The following LTA4H variants were observed in gnomAD, a reference collection of about 807,000 sequenced individuals.
LTA4H encodes the protein leukotriene A4 hydrolase.
A neutral mutation model predicts 89.8 loss-of-function variants in LTA4H; 59 were observed. The observed-to-expected ratio is 0.66, with a 90% CI of 0.53 to 0.82. The LOEUF (loss-of-function observed/expected upper bound fraction) is 0.82, where lower values mean the gene tolerates loss of function less well. LTA4H is among the 40% of genes least tolerant of loss of function. LTA4H has a pLI of 0.00. For synonymous variants in LTA4H, 227 were observed against 253.1 expected (o/e 0.90, Z 0.98); for missense variants, 617 against 727.0 (o/e 0.85, Z 1.74).
intron 2 of LTA4H, among the ~76,000 whole-genome samples, chr12:96,028,469 T>C (rs957595883): frequency 6.6e-6 from 1 of 152,194 alleles, no homozygotes; most frequent in African/African-American, 2.4e-5. Flanking sequence ...CTCTTTCCCC[T>C]CAAGAGGTGG....
At position 96,041,952 on chromosome 12, in the gene LTA4H, G is replaced by C. The variant is rs190770501; in HGVS notation, c.87+1337C>G. 1.0e-3 allele frequency among the ~76,000 whole-genome samples: 147 copies of C among 147,250 alleles called. 1 individual carries two copies. Among genetic ancestry groups the C allele is most frequent in the South Asian group, 6.6e-3 (30 of 4,562 alleles). On this transcript the variant is annotated intron_variant, in intron 1 of 17. Transcript: ENST00000413268. ...CACCGCGCCTGGCCATAAACCCCTA[G>C]TTTTAAATTAAACGTTTCTTTTTGT...
In LTA4H at chr12:96,022,041, C is replaced by T; in HGVS notation, c.585+106G>A. 1.5e-6 allele frequency: 1 copy of T among 688,264 alleles called. No homozygotes were observed. Among genetic ancestry groups the T allele is most frequent in the Admixed American group, 2.9e-5 (1 of 34,274 alleles). The allele number at this position is 688,264 out of a possible 1,614,324, so 42.6% of individuals were successfully genotyped here. On this transcript the variant is annotated intron_variant, in intron 5 of 18. Coordinates refer to ENST00000228740, the MANE Select transcript of LTA4H (RefSeq NM_000895.3). The surrounding 1 kb of genome is among the most constrained non-coding windows in gnomAD (Gnocchi z 4.0). ...AAGAAAACAAAAACCAAAAGCTGTT[C>T]TCAAAATTCTGAAATATTTCAAAAG...
intron 1 of LTA4H, among the ~76,000 whole-genome samples, chr12:96,040,725 G>A (rs1039958847): frequency 6.6e-6 from 1 of 152,146 alleles, no homozygotes; most frequent in Non-Finnish European, 1.5e-5. Context: ...AACCCCATGT[G>A]AACTGCTCTG....
chr12:96,036,006 T>C (rs752526521), upstream of LTA4H, among the ~76,000 whole-genome samples: 15 of 152,288 alleles, frequency 9.8e-5, no homozygotes, highest in Admixed American at 2.6e-4. Flanking sequence ...ATCAGAAGGC[T>C]TTCTTTCGTG....
In LTA4H at chr12:96,000,954, A is replaced by T. The variant is rs1565998568; in HGVS notation, c.*35T>A. On this transcript the variant is annotated 3_prime_UTR_variant, in exon 19 of 19. Coordinates refer to ENST00000228740, the MANE Select transcript of LTA4H (RefSeq NM_000895.3). ...ATTTCTTTACGAATTCCATTTAAAA[A>T]AGAGAAATCTCTAAAATCATCAATA... 1 of 1,357,548 alleles carries T rather than the reference A, an allele frequency of 7.4e-7. No individual in the cohort carries two copies. The allele number at this position is 1,357,548 out of a possible 1,614,324, so 84.1% of individuals were successfully genotyped here.
In LTA4H at chr12:96,006,197, T is replaced by C. The variant is rs1950196660; in HGVS notation, c.1530+117A>G. 7.1e-6 allele frequency: 4 copies of C among 559,450 alleles called. 1 individual carries two copies. Among genetic ancestry groups the C allele is most frequent in the South Asian group, 5.6e-5 (2 of 35,672 alleles). 34.7% of individuals were successfully genotyped at this position (559,450 alleles called of 1,614,324 possible). ...TTTTTAAAGAAATGAATAAATTTTA[T>C]AAATGATTTTTTCCCCATTAGTTTC... is the stretch of plus-strand genomic sequence containing the variant. On this transcript the variant is annotated intron_variant, in intron 16 of 18. Transcript: ENST00000228740.
Position 96,024,542 on chromosome 12 carries a change from G to C in LTA4H, c.417C>G (p.Ile139Met), listed in dbSNP as rs181046425. The C allele has an allele frequency of 2.5e-6, 4 of 1,608,202 alleles. No homozygotes were observed. In the Admixed American group the frequency reaches 6.7e-5, roughly 27 times the overall value. The stretch of plus-strand genomic sequence containing the variant: ...GACAAGGAAGGATTGCTCTGCAGTG[G>C]ATGGCCTGAAAAAGGGAGAAACAAG... ...HPYLFSQCQA[I>M]HCRAILPCQD... Residue 139 changes from isoleucine to methionine, a missense_variant, in exon 4 of 19, where the codon ATC becomes ATG. Around this residue, in one of 3 missense-constraint regions of LTA4H, gnomAD observed 172 missense variants for 244.5 expected, o/e 0.70. Transcript: ENST00000228740.
At chr12:96,037,692 C>CTTTTT (rs1205832896), upstream of LTA4H, among the ~76,000 whole-genome samples, 4 of 114,190 alleles carry the variant, frequency 3.5e-5, no homozygotes, top group Admixed American at 8.6e-5. Flanking sequence ...ATTGAGAAAG[C>CTTTTT]TTTTTTTTTT....
Position 96,021,002 on chromosome 12 carries a change from A to G in LTA4H, c.638+83T>C, listed in dbSNP as rs1950445882. The G allele has an allele frequency of 2.9e-6, 3 of 1,041,670 alleles. No individual in the cohort carries two copies. The East Asian group carries it at 7.8e-5, about 27-fold the overall frequency. The allele number at this position is 1,041,670 out of a possible 1,614,324, so 64.5% of individuals were successfully genotyped here. ...TGATATCTTGAGAAATATGCAAATG[A>G]TTGACCAATTAACCTTGAGAGAAGT... On this transcript the variant is annotated intron_variant, in intron 6 of 18. Coordinates refer to ENST00000228740, the MANE Select transcript of LTA4H (RefSeq NM_000895.3).
Position 96,022,603 on chromosome 12 carries a change from C to G in LTA4H, c.481-352G>C, listed in dbSNP as rs1950467044. On this transcript the variant is annotated intron_variant, in intron 4 of 18. Transcript: ENST00000228740. The surrounding 1 kb of genome is among the most constrained non-coding windows in gnomAD (Gnocchi z 4.0). ...AAATTTCTATCCATTCACCCATGCA[C>G]ATTAAGAGCAGAGTTTTGGTAGAAA... is the stretch of plus-strand genomic sequence containing the variant. Among the ~76,000 whole-genome samples the G allele has an allele frequency of 6.6e-6, 1 of 152,146 alleles. No individual in the cohort carries two copies. The highest frequency in any genetic ancestry group is 2.4e-5 in the African/African-American group (1 of 41,442).
chr12:96,020,685 C>A, intron 6 of LTA4H: 1 of 164,682 alleles, frequency 6.1e-6, no homozygotes. Context: ...GATAAAATAT[C>A]TTACATTTCT....
chr12:96,015,907 C>T (rs1950366972), intron 10 of LTA4H, among the ~76,000 whole-genome samples: 1 of 152,222 alleles, frequency 6.6e-6, no homozygotes, highest in South Asian at 2.1e-4. Context: ...AGCCCTGCTT[C>T]TGCTCTTGCA....
At chr12:96,036,911 G>T (rs1043039613), upstream of LTA4H, among the ~76,000 whole-genome samples, 1 of 152,160 alleles carries the variant, frequency 6.6e-6, no homozygotes, top group Non-Finnish European at 1.5e-5. Context: ...GAAGGGGCAG[G>T]CCTCTACATG....
At chr12:96,028,716 G>A (rs1190192755) in intron 2 of LTA4H, among the ~76,000 whole-genome samples, 1 of 152,054 alleles carries the variant, frequency 6.6e-6, no homozygotes, top group East Asian at 1.9e-4. Flanking sequence ...GGGCAAGGAG[G>A]GTGCAACTTG....
chr12:96,030,335 C>T (rs1270828486), intron 1 of LTA4H, among the ~76,000 whole-genome samples: 2 of 152,170 alleles, frequency 1.3e-5, no homozygotes, highest in African/African-American at 2.4e-5. Context: ...CTCATGCCCA[C>T]ATCTTCAATT....
chr12:96,014,010 A>G, intron 12 of LTA4H, 157 bp from the exon 13 acceptor site: 2 of 527,462 alleles, frequency 3.8e-6, no homozygotes, highest in Non-Finnish European at 6.7e-6. Flanking sequence ...ATGTTCAAAA[A>G]AGGAGGTGGG....
intron 3 of LTA4H, among the ~76,000 whole-genome samples, chr12:96,025,582 G>A (rs1357414433): frequency 1.3e-5 from 2 of 152,106 alleles, no homozygotes; most frequent in Non-Finnish European, 2.9e-5. Context: ...TGCAATCCCA[G>A]CACTTTGGGA....
chr12:96,012,957 C>T (rs1950325249), intron 14 of LTA4H: 1 of 455,554 alleles, frequency 2.2e-6, no homozygotes, highest in African/African-American at 1.9e-5. Flanking sequence ...CTAAATCCCT[C>T]ACCATCCTTG....
chr12:96,019,925 T>C (rs1950433634), intron 6 of LTA4H, among the ~76,000 whole-genome samples: 2 of 141,800 alleles, frequency 1.4e-5, no homozygotes, highest in East Asian at 4.1e-4. Flanking sequence ...TTTTTAAATA[T>C]ACAGGGTCTC....
Sources: allele counts gnomAD v4.1 joint callset (sites outside exome capture counted in the v4.1 genomes callset), GRCh38; gene constraint gnomAD v4.1.1; regional missense constraint gnomAD v4.1.1; non-coding constraint Gnocchi (gnomAD v3.1); transcripts MANE v1.5; gene names NCBI Gene and HGNC (gene_info 2026-07-23, HGNC 2026-07-21).